MTMR2: variants seen among roughly 807,000 people sequenced by gnomAD.
MTMR2 encodes the protein phosphatidylinositol-3,5-bisphosphate 3-phosphatase MTMR2.
In MTMR2, 55 loss-of-function variants were observed where a neutral mutation model predicts 86.9. The observed-to-expected ratio is 0.63, with a 90% CI of 0.51 to 0.79. The LOEUF (loss-of-function observed/expected upper bound fraction) is 0.79, where lower values mean the gene tolerates loss of function less well. MTMR2 is among the 30% of genes least tolerant of loss of function. The pLI is 0.00. For synonymous variants in MTMR2, 241 were observed against 266.8 expected (o/e 0.90, Z 0.94); for missense variants, 659 against 772.3 (o/e 0.85, Z 1.74).
intron 1 of MTMR2, among the ~76,000 whole-genome samples, chr11:95,914,576 C>A (rs1224148832): frequency 4.0e-5 from 6 of 151,442 alleles, no homozygotes; most frequent in African/African-American, 1.5e-4. Context: ...AAAAAACATC[C>A]TATTTTCTGT....
chr11:95,924,021 A>C lies in MTMR2; in HGVS notation c.-67T>G, dbSNP rs923908953. ...CGCGGCTACAGGGCGGGAGAAGCGG[A>C]GGGCGGAGTGCTACGGACCGGGGCC... On this transcript the variant is annotated 5_prime_UTR_variant, in exon 1 of 15. Transcript: ENST00000346299. 1.3e-6 allele frequency: 2 copies of C among 1,539,560 alleles called. No homozygotes were observed. Among genetic ancestry groups the C allele is most frequent in the Non-Finnish European group, 1.8e-6 (2 of 1,137,854 alleles).
At chr11:95,851,857 C>CAG (rs1265784875) in intron 7 of MTMR2, among the ~76,000 whole-genome samples, 3 of 152,164 alleles carry the variant, frequency 2.0e-5, no homozygotes, top group Non-Finnish European at 4.4e-5. Context: ...CAACAGGCAA[C>CAG]AGGCAAGAAA....
rs1258570359 is a variant in MTMR2 at position 95,838,159 on chromosome 11, C to G, written c.1528G>C (p.Asp510His). ...CCGAATAAGCAGCTGTATAGGTGGT[C>G]CAAAATGGTAATGAGAAAATACTCA... The part of the protein sequence containing the change: ...FNEYFLITIL[D>H]HLYSCLFGTF... The change falls in exon 13 of 15, where the codon GAC becomes CAC. Residue 510 changes from aspartate to histidine, a missense_variant. By Grantham distance (81) the Asp-to-His change is moderately conservative. Transcript: ENST00000346299. 6.2e-7 allele frequency: 1 copy of G among 1,611,504 alleles called. No individual in the cohort carries two copies. Among genetic ancestry groups the G allele is most frequent in the Admixed American group, 1.7e-5 (1 of 59,924 alleles).
Position 95,834,704 on chromosome 11 carries a change from A to G in MTMR2, c.*586T>C, listed in dbSNP as rs1764110870. On this transcript the variant is annotated 3_prime_UTR_variant, in exon 15 of 15. Transcript: ENST00000346299. The stretch of plus-strand genomic sequence containing the variant: ...CTTAAGTATGTAAATAATGACGGCA[A>G]TAATTTTCAACTACTACCACACCGT... The G allele has an allele frequency of 6.4e-6, 1 of 155,108 alleles. No individual in the cohort carries two copies. 9.6% of individuals were successfully genotyped at this position (155,108 alleles called of 1,614,324 possible). A position where few individuals can be genotyped will look rare whatever the true frequency, so the allele number is the denominator to read the frequency against.
chr11:95,921,312 G>A (rs1591058157), intron 1 of MTMR2, among the ~76,000 whole-genome samples: 1 of 152,296 alleles, frequency 6.6e-6, no homozygotes, highest in East Asian at 1.9e-4. Flanking sequence ...TCCAAAGGCA[G>A]TTTCCCAATT....
chr11:95,862,349 T>A lies in MTMR2; in HGVS notation c.280A>T (p.Ile94Leu), dbSNP rs776878457. 3.1e-6 allele frequency: 5 copies of A among 1,613,986 alleles called. No homozygotes were observed. In the South Asian group the frequency reaches 5.5e-5, roughly 18 times the overall value. ...CGTACAGCGCCAGTGAATGGACATATATAAGTTACATCTTTGGCTGAAAAA... is the reference window on the plus strand; with the variant it reads ...CGTACAGCGCCAGTGAATGGACATAAATAAGTTACATCTTTGGCTGAAAAA... ...IKDMAKDVTY[I>L]CPFTGAVRGT... Residue 94 changes from isoleucine (I) to leucine (L), a missense_variant, in exon 4 of 15, where the codon ATA (isoleucine) becomes TTA (leucine). By Grantham distance (5) the Ile-to-Leu change is conservative. Transcript: ENST00000346299.
intron 1 of MTMR2, among the ~76,000 whole-genome samples, chr11:95,907,442 A>G (rs1565385064): frequency 3.3e-5 from 5 of 152,032 alleles, no homozygotes; most frequent in African/African-American, 1.2e-4. Context: ...TGCATAAAGA[A>G]GATCTGGTGC....
At chr11:95,854,608 G>A (rs752529946) in intron 7 of MTMR2, among the ~76,000 whole-genome samples, 4 of 151,108 alleles carry the variant, frequency 2.6e-5, no homozygotes, top group Non-Finnish European at 4.4e-5. Flanking sequence ...TAGGACTTCA[G>A]GCATGCACCA....
At chr11:95,887,156 G>GA (rs958169320) in intron 2 of MTMR2, among the ~76,000 whole-genome samples, 3 of 152,166 alleles carry the variant, frequency 2.0e-5, no homozygotes, top group African/African-American at 7.2e-5. Flanking sequence ...TGAAATGGAT[G>GA]AAAAAGATAT....
chr11:95,904,220 C>T (rs545449792), intron 1 of MTMR2, among the ~76,000 whole-genome samples: 5 of 152,172 alleles, frequency 3.3e-5, no homozygotes, highest in Admixed American at 6.6e-5. Flanking sequence ...GCAATTCTCT[C>T]CTCCAGTTAC....
At chr11:95,857,812 C>T (rs868691809) in intron 6 of MTMR2, among the ~76,000 whole-genome samples, 177 bp from the exon 7 acceptor site, 26 of 151,968 alleles carry the variant, frequency 1.7e-4, no homozygotes, top group African/African-American at 6.3e-4. Context: ...TATTTTTTTA[C>T]ATATTTTTAA....
At position 95,897,195 on chromosome 11, in the gene MTMR2, T is replaced by C. The variant is rs148870673; in HGVS notation, c.81-8934A>G. On this transcript the variant is annotated intron_variant, in intron 1 of 14. Coordinates refer to ENST00000346299, the MANE Select transcript of MTMR2 (RefSeq NM_016156.6). The stretch of plus-strand genomic sequence containing the variant: ...GTTAGGGACTTAAAGGTTAAGAATC[T>C]TGGCCCCGATGATCTCTTTTAGTTC... 2.0e-3 allele frequency among the ~76,000 whole-genome samples: 308 copies of C among 152,236 alleles called. 4 individuals are homozygous for C. The highest frequency in any genetic ancestry group is 6.9e-3 in the African/African-American group (287 of 41,558).
At chr11:95,887,997 AG>A (rs2135548383) in intron 2 of MTMR2, among the ~76,000 whole-genome samples, 158 bp downstream of exon 2, 1 of 152,318 alleles carries the variant, frequency 6.6e-6, no homozygotes, top group African/African-American at 2.4e-5. Flanking sequence ...CAAATAAGTA[AG>A]CATTCCAAAT....
intron 14 of MTMR2, among the ~76,000 whole-genome samples, 171 bp downstream of exon 14, chr11:95,835,977 A>T (rs1421365389): frequency 6.6e-6 from 1 of 152,070 alleles, no homozygotes; most frequent in Non-Finnish European, 1.5e-5. Flanking sequence ...AGAACCAGGT[A>T]TACTGATTAC....
intron 2 of MTMR2, among the ~76,000 whole-genome samples, chr11:95,870,877 C>G (rs1864849626): frequency 1.3e-5 from 2 of 151,562 alleles, no homozygotes; most frequent in African/African-American, 4.9e-5. Context: ...CTAATGCTAT[C>G]CCTCCCCCCT....
In MTMR2 at chr11:95,862,302, A is replaced by G. The variant is rs1322357085; in HGVS notation, c.327T>C (p.Asn109=). 1.2e-6 allele frequency: 2 copies of G among 1,614,058 alleles called. No individual in the cohort carries two copies. Among genetic ancestry groups the G allele is most frequent in the Admixed American group, 3.3e-5 (2 of 60,016 alleles). ...GAVRGTLTVT[N]YRLYFKSMER... is the part of the protein sequence containing the mutation. Reference sequence around the variant, plus strand: ...CCATGCTTTTGAAATATAACCTATAATTCGTGACAGTCAGAGTTCCTCGTA... The same window carrying G: ...CCATGCTTTTGAAATATAACCTATAGTTCGTGACAGTCAGAGTTCCTCGTA... Residue 109 remains asparagine, a synonymous_variant, in exon 4 of 15, where the codon AAT becomes AAC. Coordinates refer to ENST00000346299, the MANE Select transcript of MTMR2 (RefSeq NM_016156.6).
chr11:95,836,415 A>C (rs1863289070), intron 13 of MTMR2, 91 bp from the exon 14 acceptor site: 2 of 1,250,552 alleles, frequency 1.6e-6, no homozygotes, highest in African/African-American at 1.5e-5. Context: ...TGTTGTCATT[A>C]AAATCTCTTT....
intron 1 of MTMR2, among the ~76,000 whole-genome samples, chr11:95,891,702 A>G (rs575722): frequency 0.057 from 8,609 of 152,232 alleles, 798 homozygotes; most frequent in African/African-American, 0.2. Flanking sequence ...GCACTAATGT[A>G]TATTTCTGTA....
intron 2 of MTMR2, among the ~76,000 whole-genome samples, chr11:95,883,412 C>T (rs1225208836): frequency 6.6e-6 from 1 of 152,058 alleles, no homozygotes; most frequent in African/African-American, 2.4e-5. Flanking sequence ...CTTTAAATTG[C>T]ATTACTTGAA....
Sources: allele counts gnomAD v4.1 joint callset (sites outside exome capture counted in the v4.1 genomes callset), GRCh38; gene constraint gnomAD v4.1.1; transcripts MANE v1.5; gene names NCBI Gene and HGNC (gene_info 2026-07-23, HGNC 2026-07-21).